Variants in FRMD3 observed in about 807,000 individuals in gnomAD.
FRMD3 encodes FERM domain containing 3, also known as FERM domain-containing protein 3.
FRMD3 carries 33 observed loss-of-function variants against 70.2 expected under a neutral mutation model. The observed-to-expected ratio is 0.47, with a 90% CI of 0.36 to 0.63. The LOEUF (loss-of-function observed/expected upper bound fraction) is 0.63. Among genes scored for constraint, FRMD3 ranks in the 20% least tolerant of loss-of-function variants. The pLI is 0.00. For synonymous variants in FRMD3, 279 were observed against 255.9 expected (o/e 1.09, Z -0.86); for missense variants, 632 against 711.4 (o/e 0.89, Z 1.27).
At chr9:83,401,400 T>C (rs1323388752) in intron 1 of FRMD3, among the ~76,000 whole-genome samples, 1 of 152,220 alleles carries the variant, frequency 6.6e-6, no homozygotes, top group Non-Finnish European at 1.5e-5. Flanking sequence ...TCCAAACTCT[T>C]CATCTCAGAA....
intron 1 of FRMD3, among the ~76,000 whole-genome samples, chr9:83,514,306 A>C (rs893156558): frequency 6.6e-6 from 1 of 152,112 alleles, no homozygotes; most frequent in Non-Finnish European, 1.5e-5. Flanking sequence ...CTGAGGCTTG[A>C]CTAGGCGGTT....
chr9:83,461,752 G>A (rs965119721), intron 1 of FRMD3, among the ~76,000 whole-genome samples: 6 of 119,204 alleles, frequency 5.0e-5, no homozygotes, highest in Admixed American at 2.4e-4. Flanking sequence ...GCAGTGGCAC[G>A]ATCTCAGCTC....
intron 3 of FRMD3, among the ~76,000 whole-genome samples, chr9:83,357,481 T>C (rs58169457): frequency 0.13 from 19,240 of 151,184 alleles, 1,334 homozygotes; most frequent in Non-Finnish European, 0.15. Context: ...GATCTACTTT[T>C]AGTACTTTAA....
intron 2 of FRMD3, among the ~76,000 whole-genome samples, chr9:83,387,997 G>A (rs139314146): frequency 2.0e-5 from 3 of 152,158 alleles, no homozygotes; most frequent in Non-Finnish European, 4.4e-5. Flanking sequence ...CATCCCTGAC[G>A]TCATGTCAGC....
chr9:83,468,825 T>A (rs886915415), intron 1 of FRMD3, among the ~76,000 whole-genome samples: 1 of 152,186 alleles, frequency 6.6e-6, no homozygotes, highest in Non-Finnish European at 1.5e-5. Context: ...CCTGGCAACA[T>A]GGGATCTGGG....
intron 13 of FRMD3, among the ~76,000 whole-genome samples, chr9:83,250,716 C>T (rs4877748): frequency 0.064 from 9,771 of 152,280 alleles, 346 homozygotes; most frequent in Non-Finnish European, 0.086. Context: ...GGGTACCCCA[C>T]AATGTAGCAC....
At chr9:83,557,315 A>G in the FRMD3 span, among the ~76,000 whole-genome samples, 73 of 152,358 alleles carry the variant, frequency 4.8e-4, no homozygotes, top group African/African-American at 1.7e-3. Context: ...ATGCATCTAC[A>G]TGCACAAAAT....
At chr9:83,439,573 T>C (rs890264150) in intron 1 of FRMD3, among the ~76,000 whole-genome samples, 6 of 152,238 alleles carry the variant, frequency 3.9e-5, no homozygotes, top group Non-Finnish European at 7.3e-5. Context: ...CAGCAGCACA[T>C]TGCTGAGTGG....
intron 1 of FRMD3, among the ~76,000 whole-genome samples, chr9:83,412,548 C>T (rs756334620): frequency 6.6e-6 from 1 of 152,188 alleles, no homozygotes; most frequent in Non-Finnish European, 1.5e-5. Flanking sequence ...TTTGGATAAA[C>T]TGGATACTAT....
intron 3 of FRMD3, among the ~76,000 whole-genome samples, chr9:83,363,942 T>C (rs7856526): frequency 0.19 from 28,359 of 152,158 alleles, 3,257 homozygotes; most frequent in African/African-American, 0.32. Flanking sequence ...CCAGAAGTGT[T>C]ATCCTCATCC....
At chr9:83,516,698 C>G (rs540313063) in intron 1 of FRMD3, among the ~76,000 whole-genome samples, 1 of 152,246 alleles carries the variant, frequency 6.6e-6, no homozygotes, top group African/African-American at 2.4e-5. Flanking sequence ...AGCACTTATT[C>G]TAAAATCAAT....
Position 83,246,269 on chromosome 9 carries a change from T to C in FRMD3, c.*1649A>G. ...TTCAATCCACAGAGAAGCTCTATGC[T>C]CCATGGCATAAGTTCTAGACTCTTA... On this transcript the variant is annotated 3_prime_UTR_variant, in exon 14 of 14. Transcript: ENST00000304195. 1.0e-6 allele frequency: 1 copy of C among 984,830 alleles called. No individual in the cohort carries two copies. Among genetic ancestry groups the C allele is most frequent in the Non-Finnish European group, 1.2e-6 (1 of 829,434 alleles). 61.0% of individuals were successfully genotyped at this position (984,830 alleles called of 1,614,324 possible).
At chr9:83,523,071 T>C (rs1829611806) in intron 1 of FRMD3, among the ~76,000 whole-genome samples, 1 of 152,236 alleles carries the variant, frequency 6.6e-6, no homozygotes, top group Non-Finnish European at 1.5e-5. Context: ...GGATTAATTA[T>C]TATTTGTCTT....
At chr9:83,519,998 TG>T (rs1437708593) in intron 1 of FRMD3, among the ~76,000 whole-genome samples, 5 of 151,856 alleles carry the variant, frequency 3.3e-5, no homozygotes, top group Non-Finnish European at 7.4e-5. Flanking sequence ...TGTTGGGGGA[TG>T]GGGGAAAAGG....
intron 9 of FRMD3, 92 bp from the exon 10 acceptor site, chr9:83,309,716 A>C: frequency 1.5e-6 from 1 of 688,732 alleles, no homozygotes; most frequent in African/African-American, 1.8e-5. Context: ...ACCTCTTTGT[A>C]TCCTATCTCC....
chr9:83,472,825 G>C, intron 1 of FRMD3, among the ~76,000 whole-genome samples: 1 of 152,114 alleles, frequency 6.6e-6, no homozygotes, highest in East Asian at 1.9e-4. Context: ...TATCTTTTTC[G>C]ATAGTTTTAT....
In FRMD3 at chr9:83,299,175, G is replaced by C; in HGVS notation, c.938C>G (p.Ser313Cys). The change falls in exon 11 of 14, where the codon TCC (serine) becomes TGC (cysteine). Residue 313 changes from serine (S) to cysteine (C), a missense_variant. By Grantham distance (112) the Ser-to-Cys change is moderately radical (BLOSUM62 -1). This residue lies in a region of FRMD3 where 418 missense variants were observed against 442.1 expected (regional missense o/e 0.95). Coordinates refer to ENST00000304195, the MANE Select transcript of FRMD3 (RefSeq NM_174938.6). ...GCTTGATACAGTCTTGATCTGACTG[G>C]ATTTTGCATACCTTTAAGAAAAAGC... ...ENQAFYKYAK[S>C]SQIKTVSSSK... 1 of 1,610,668 alleles carries C rather than the reference G, an allele frequency of 6.2e-7. No homozygotes were observed.
In FRMD3 at chr9:83,244,832, A is replaced by C. The variant is rs1336659043; in HGVS notation, c.*3086T>G. 1.0e-6 allele frequency: 1 copy of C among 984,602 alleles called. No homozygotes were observed. The highest frequency in any genetic ancestry group is 1.2e-6 in the Non-Finnish European group (1 of 829,306). 61.0% of individuals were successfully genotyped at this position (984,602 alleles called of 1,614,324 possible). On this transcript the variant is annotated 3_prime_UTR_variant, in exon 14 of 14. Transcript: ENST00000304195. ...TTATAAATATTAGACAAACCACAAA[A>C]TATATTCCAAATACATAACATTTTA...
At chr9:83,292,767 C>A (rs1009927631) in intron 12 of FRMD3, among the ~76,000 whole-genome samples, 3 of 152,318 alleles carry the variant, frequency 2.0e-5, no homozygotes, top group Admixed American at 2.0e-4. Context: ...CCTCCCTCAG[C>A]CTCCCGAGTA....
Sources: allele counts gnomAD v4.1 joint callset (sites outside exome capture counted in the v4.1 genomes callset), GRCh38; gene constraint gnomAD v4.1.1; regional missense constraint gnomAD v4.1.1; transcripts MANE v1.5; gene names NCBI Gene and HGNC (gene_info 2026-07-23, HGNC 2026-07-21).